The following RGPD2 variants were observed in gnomAD, a reference collection of about 807,000 sequenced individuals.
The protein encoded by RGPD2 is RANBP2 like and GRIP domain containing 2.
Under a neutral mutation model 36.0 loss-of-function variants are expected in RGPD2, and 2 were observed. That is an observed-to-expected ratio of 0.06 (90% CI 0.02 to 0.17). The LOEUF is 0.17. Ranked by LOEUF, RGPD2 falls within the 10% of genes least tolerant of loss-of-function variation. The pLI is 1.00. For synonymous variants in RGPD2, 19 were observed against 163.8 expected, an observed-to-expected ratio of 0.12 and a Z score of 6.75; for missense variants, 40 against 464.3, an observed-to-expected ratio of 0.09 and a Z score of 8.40.
the RGPD2 span, among the ~76,000 whole-genome samples, chr2:87,964,055 T>G: frequency 1.3e-5 from 2 of 151,840 alleles, no homozygotes; most frequent in African/African-American, 4.9e-5. Flanking sequence ...AGGCTGGTCT[T>G]GAACTCCTGG....
chr2:87,988,846 G>T, the RGPD2 span, among the ~76,000 whole-genome samples: 1 of 151,898 alleles, frequency 6.6e-6, no homozygotes, highest in East Asian at 1.9e-4. Flanking sequence ...CAGCAGGCAT[G>T]TCCATATATT....
the RGPD2 span, among the ~76,000 whole-genome samples, chr2:87,961,160 A>C: frequency 6.6e-6 from 1 of 152,246 alleles, no homozygotes; most frequent in African/African-American, 2.4e-5. Flanking sequence ...GTTCTAGAGA[A>C]AACTATCCTA....
chr2:87,762,526 G>A (rs1178695835), intron 22 of RGPD2, among the ~76,000 whole-genome samples: 1 of 130,198 alleles, frequency 7.7e-6, no homozygotes. Flanking sequence ...GGGAAACAGC[G>A]AGACTGTCTC....
chr2:87,986,518 C>T, the RGPD2 span, among the ~76,000 whole-genome samples: 1 of 151,958 alleles, frequency 6.6e-6, no homozygotes, highest in Non-Finnish European at 1.5e-5. Context: ...TGATTTACAT[C>T]CATTGCCCAG....
At chr2:87,864,500 C>T in the RGPD2 span, among the ~76,000 whole-genome samples, 7 of 152,368 alleles carry the variant, frequency 4.6e-5, no homozygotes, top group Non-Finnish European at 8.8e-5. Context: ...GATAGCAGAA[C>T]ATAGGACTTC....
the RGPD2 span, among the ~76,000 whole-genome samples, chr2:87,924,640 C>G: frequency 6.6e-6 from 1 of 151,810 alleles, no homozygotes; most frequent in Non-Finnish European, 1.5e-5. Context: ...CTAAGAAGCT[C>G]AGTCTGGCAA....
At chr2:87,844,611 T>C in the RGPD2 span, among the ~76,000 whole-genome samples, 6 of 151,818 alleles carry the variant, frequency 4.0e-5, no homozygotes, top group Admixed American at 2.0e-4. Flanking sequence ...GGTGAATTAA[T>C]GTCATGTGGA....
the RGPD2 span, among the ~76,000 whole-genome samples, chr2:87,881,108 G>T: frequency 6.6e-6 from 1 of 152,196 alleles, no homozygotes; most frequent in South Asian, 2.1e-4. Flanking sequence ...TAGTGCAAGG[G>T]GTGGGCACAC....
At chr2:87,861,011 A>T in the RGPD2 span, among the ~76,000 whole-genome samples, 5 of 151,968 alleles carry the variant, frequency 3.3e-5, no homozygotes, top group South Asian at 1.0e-3. Context: ...GTATGTAAGG[A>T]TGTATGTGTG....
At chr2:87,938,070 T>C in the RGPD2 span, among the ~76,000 whole-genome samples, 1 of 151,792 alleles carries the variant, frequency 6.6e-6, no homozygotes, top group South Asian at 2.1e-4. Context: ...TTTTTTAAAA[T>C]GGCTTTGAAG....
At chr2:87,905,551 ACG>A in the RGPD2 span, among the ~76,000 whole-genome samples, 3 of 150,796 alleles carry the variant, frequency 2.0e-5, no homozygotes, top group Non-Finnish European at 4.4e-5. Flanking sequence ...TTTTCAGTGT[ACG>A]ATTCAATCAT....
At chr2:87,960,075 A>G in the RGPD2 span, among the ~76,000 whole-genome samples, 1 of 95,214 alleles carries the variant, frequency 1.1e-5, no homozygotes, top group Non-Finnish European at 2.2e-5. Context: ...GGGGGCATAC[A>G]AGGAAACAAA....
chr2:87,884,190 C>T, the RGPD2 span, among the ~76,000 whole-genome samples: 1 of 151,978 alleles, frequency 6.6e-6, no homozygotes, highest in Non-Finnish European at 1.5e-5. Context: ...ATACACTCCT[C>T]AACAACTATT....
At chr2:87,853,882 G>A in the RGPD2 span, among the ~76,000 whole-genome samples, 9 of 152,132 alleles carry the variant, frequency 5.9e-5, no homozygotes, top group Admixed American at 3.3e-4. Flanking sequence ...ACTATTTGTA[G>A]AGCAGATTGT....
intron 21 of RGPD2, among the ~76,000 whole-genome samples, chr2:87,772,731 TAC>T (rs1158699856): frequency 8.9e-5 from 11 of 124,258 alleles, no homozygotes; most frequent in Non-Finnish European, 1.9e-4. Context: ...AACAAGCTAA[TAC>T]AAGAGGAGAA....
the RGPD2 span, among the ~76,000 whole-genome samples, chr2:87,940,890 A>G: frequency 6.6e-6 from 1 of 151,814 alleles, no homozygotes; most frequent in South Asian, 2.1e-4. Flanking sequence ...ATCAATATCC[A>G]CAATGTCATT....
the RGPD2 span, among the ~76,000 whole-genome samples, chr2:87,848,898 A>G: frequency 1.3e-5 from 2 of 149,894 alleles, no homozygotes; most frequent in South Asian, 4.6e-4. Flanking sequence ...AAATAGATAA[A>G]TATAAGCCCT....
the RGPD2 span, among the ~76,000 whole-genome samples, chr2:87,845,775 GC>G: frequency 6.6e-6 from 1 of 152,010 alleles, no homozygotes. Flanking sequence ...TTTTAGTAAT[GC>G]TTTATTACCT....
the RGPD2 span, among the ~76,000 whole-genome samples, chr2:87,937,140 A>C: frequency 2.0e-5 from 3 of 151,896 alleles, no homozygotes; most frequent in Non-Finnish European, 4.4e-5. Context: ...TTATGATCTC[A>C]TTAGGCAAAA....
Sources: allele counts gnomAD v4.1 joint callset (sites outside exome capture counted in the v4.1 genomes callset), GRCh38; gene constraint gnomAD v4.1.1; transcripts MANE v1.5; gene names NCBI Gene and HGNC (gene_info 2026-07-23, HGNC 2026-07-21).